The following DNER variants were observed in gnomAD, a reference collection of about 807,000 sequenced individuals.
DNER encodes the protein delta and Notch-like epidermal growth factor-related receptor.
In DNER, 33 loss-of-function variants were observed where a neutral mutation model predicts 78.2. The observed-to-expected ratio is 0.42, with a 90% CI of 0.32 to 0.56. The LOEUF (loss-of-function observed/expected upper bound fraction) is 0.56. DNER is among the 20% of genes least tolerant of loss of function. The pLI is 0.11. For synonymous variants in DNER, 417 were observed against 384.8 expected (o/e 1.08, Z -0.98); for missense variants, 918 against 975.3 (o/e 0.94, Z 0.78).
At chr2:229,682,290 T>C (rs1203252694) in intron 1 of DNER, among the ~76,000 whole-genome samples, 1 of 152,190 alleles carries the variant, frequency 6.6e-6, no homozygotes, top group Non-Finnish European at 1.5e-5. Flanking sequence ...AATGTTTTAA[T>C]TAAAATTTGA....
At chr2:229,613,942 C>T (rs6705299) in intron 1 of DNER, among the ~76,000 whole-genome samples, 69,396 of 149,840 alleles carry the variant, frequency 0.46, 16,540 homozygotes, top group Non-Finnish European at 0.54. Flanking sequence ...AACCAAACAC[C>T]GCATGTTCTC....
intron 9 of DNER, among the ~76,000 whole-genome samples, chr2:229,407,989 A>T (rs1443282589): frequency 6.6e-6 from 1 of 152,194 alleles, no homozygotes; most frequent in East Asian, 1.9e-4. Flanking sequence ...GCTGCCCGTA[A>T]TCCCATCCCA....
At chr2:229,511,819 G>T (rs1285847452) in intron 6 of DNER, among the ~76,000 whole-genome samples, 4 of 152,164 alleles carry the variant, frequency 2.6e-5, no homozygotes, top group African/African-American at 9.7e-5. Context: ...TGAAACAGAA[G>T]CATTCTAATG....
intron 1 of DNER, among the ~76,000 whole-genome samples, chr2:229,620,050 A>G (rs768295848): frequency 2.0e-5 from 3 of 152,186 alleles, no homozygotes; most frequent in Non-Finnish European, 4.4e-5. Context: ...GTTTCTTCGC[A>G]CTTGAGAAAG....
At position 229,510,316 on chromosome 2, in the gene DNER, ATGCC is replaced by A. The variant is rs1283583365; in HGVS notation, c.1147+2463_1147+2466del. Among the ~76,000 whole-genome samples the A allele has an allele frequency of 3.3e-5, 5 of 152,354 alleles. No individual in the cohort carries two copies. In the East Asian group the frequency reaches 9.7e-4, roughly 29 times the overall value. On this transcript the variant is annotated intron_variant, in intron 6 of 12. Transcript: ENST00000341772. ...TACATCAGAATCTCACTGCGAAGGG[ATGCC>A]CTGCAGCCACGTGGAGAATGGAGGG...
chr2:229,575,788 T>A (rs1287455476), intron 4 of DNER, among the ~76,000 whole-genome samples: 1 of 152,180 alleles, frequency 6.6e-6, no homozygotes, highest in Non-Finnish European at 1.5e-5. Context: ...CATGACAATA[T>A]TTAGGATTAG....
At chr2:229,533,655 C>T (rs2154212880) in intron 5 of DNER, among the ~76,000 whole-genome samples, 1 of 152,264 alleles carries the variant, frequency 6.6e-6, no homozygotes, top group South Asian at 2.1e-4. Flanking sequence ...TGCACTTGGG[C>T]CATCGTTCAC....
At chr2:229,697,849 G>C (rs768364763) in intron 1 of DNER, among the ~76,000 whole-genome samples, 2 of 152,184 alleles carry the variant, frequency 1.3e-5, no homozygotes, top group Non-Finnish European at 2.9e-5. Flanking sequence ...TAGGAAAGAA[G>C]ACCTGCCTCC....
At chr2:229,471,575 T>C (rs539733922) in intron 7 of DNER, among the ~76,000 whole-genome samples, 1 of 152,170 alleles carries the variant, frequency 6.6e-6, no homozygotes, top group Non-Finnish European at 1.5e-5. Flanking sequence ...CTTTTAAGCA[T>C]AGGGTCCCTT....
At chr2:229,635,025 TA>T (rs1364805407) in intron 1 of DNER, among the ~76,000 whole-genome samples, 1 of 152,220 alleles carries the variant, frequency 6.6e-6, no homozygotes, top group African/African-American at 2.4e-5. Context: ...GTGAGGCTGG[TA>T]GCAGTGTCTG....
intron 7 of DNER, among the ~76,000 whole-genome samples, chr2:229,461,485 G>C (rs1281977830): frequency 2.6e-5 from 4 of 151,884 alleles, no homozygotes; most frequent in Non-Finnish European, 4.4e-5. Flanking sequence ...ATTGGAAAAG[G>C]AAATTTAACA....
At chr2:229,514,683 C>A (rs1695933299) in intron 5 of DNER, among the ~76,000 whole-genome samples, 1 of 152,112 alleles carries the variant, frequency 6.6e-6, no homozygotes, top group African/African-American at 2.4e-5. Flanking sequence ...TTCACTCTCC[C>A]TCCACCCTCT....
In DNER at chr2:229,357,960, A is replaced by G. The variant is rs1692126041; in HGVS notation, c.*580T>C. The G allele has an allele frequency of 6.6e-6, 1 of 152,664 alleles. No homozygotes were observed. The highest frequency in any genetic ancestry group is 1.5e-5 in the Non-Finnish European group (1 of 68,040). 9.5% of individuals were successfully genotyped at this position (152,664 alleles called of 1,614,324 possible). The stretch of plus-strand genomic sequence containing the variant: ...TCGACGACTGTTACGAAAATGACAA[A>G]AACAAACTCGAAAGAATGTTTCCAC... On this transcript the variant is annotated 3_prime_UTR_variant, in exon 13 of 13. Coordinates refer to ENST00000341772, the MANE Select transcript of DNER (RefSeq NM_139072.4).
At chr2:229,686,284 C>CA (rs1699481619) in intron 1 of DNER, among the ~76,000 whole-genome samples, 2 of 152,204 alleles carry the variant, frequency 1.3e-5, no homozygotes, top group African/African-American at 4.8e-5. Context: ...CCCCCACTCC[C>CA]AGCCCGCACT....
chr2:229,495,674 A>G (rs1024208300), intron 6 of DNER, among the ~76,000 whole-genome samples: 1 of 152,334 alleles, frequency 6.6e-6, no homozygotes, highest in Admixed American at 6.5e-5. Flanking sequence ...CAAATGTTAA[A>G]CTTATCTAGA....
At chr2:229,641,864 T>G (rs1479340455) in intron 1 of DNER, among the ~76,000 whole-genome samples, 1 of 152,156 alleles carries the variant, frequency 6.6e-6, no homozygotes, top group Non-Finnish European at 1.5e-5. Flanking sequence ...CTCAGCTCCC[T>G]CTGGTGGAAT....
At chr2:229,427,825 C>T (rs894168339) in intron 8 of DNER, among the ~76,000 whole-genome samples, 1 of 152,200 alleles carries the variant, frequency 6.6e-6, no homozygotes, top group African/African-American at 2.4e-5. Context: ...GCCTGTAATC[C>T]CAGCACTTTG....
At chr2:229,390,055 A>G (rs1384111354) in intron 10 of DNER, among the ~76,000 whole-genome samples, 1 of 152,248 alleles carries the variant, frequency 6.6e-6, no homozygotes, top group African/African-American at 2.4e-5. Flanking sequence ...ACATATGATC[A>G]GGAACATGCT....
chr2:229,550,058 T>A (rs1696702012), intron 4 of DNER, among the ~76,000 whole-genome samples: 1 of 151,630 alleles, frequency 6.6e-6, no homozygotes, highest in Non-Finnish European at 1.5e-5. Flanking sequence ...AGCGGCATAA[T>A]CTTGGTTCAC....
Sources: gnomAD v4.1 joint callset for allele counts (sites outside exome capture counted in the v4.1 genomes callset) on GRCh38, gnomAD v4.1.1 for gene constraint, MANE v1.5 for transcripts, NCBI Gene and HGNC (gene_info 2026-07-23, HGNC 2026-07-21) for gene names.